The following SEC16A variants were observed in gnomAD, a reference collection of about 807,000 sequenced individuals.
SEC16A encodes protein transport protein Sec16A.
SEC16A carries 110 observed loss-of-function variants against 221.9 expected under a neutral mutation model. The ratio of observed to expected loss-of-function variants is 0.50; its 90% CI spans 0.42 to 0.58. The LOEUF (loss-of-function observed/expected upper bound fraction) is 0.58, where lower values mean the gene tolerates loss of function less well. SEC16A is among the 20% of genes least tolerant of loss of function. SEC16A has a pLI of 0.00. For missense variants in SEC16A, 3,165 were observed against 3,097.8 expected (o/e 1.02, Z -0.52); for synonymous variants, 1,393 against 1,257.7 (o/e 1.11, Z -2.28).
In SEC16A at chr9:136,447,851, A is replaced by G; in HGVS notation, c.6447+2T>C. ...CCAACAGGAACTAGAATGACAATTT[A>G]CCTCCTCTTCTGGCTCATTTAAATT... On this transcript the variant is annotated splice_donor_variant, in intron 25 of 31. Transcript: ENST00000684901. LOFTEE classifies it high-confidence loss of function. This position sits in a 1 kb window ranked among gnomAD's most constrained non-coding sequence, Gnocchi z 5.5. The G allele has an allele frequency of 1.9e-6, 3 of 1,608,502 alleles. No individual in the cohort carries two copies. The highest frequency in any genetic ancestry group is 2.5e-6 in the Non-Finnish European group (3 of 1,176,978).
chr9:136,483,170 C>T (rs2133234377), upstream of SEC16A: 2 of 292,704 alleles, frequency 6.8e-6, no homozygotes, highest in East Asian at 3.6e-4. Flanking sequence ...CACAGCCCAT[C>T]CCTCGGCCCC....
intron 4 of SEC16A, among the ~76,000 whole-genome samples, chr9:136,471,708 C>A (rs1318851853): frequency 1.3e-5 from 2 of 152,230 alleles, no homozygotes; most frequent in African/African-American, 4.8e-5. Context: ...TCTCTGCAGC[C>A]CTGAGCAGGG....
intron 1 of SEC16A, among the ~76,000 whole-genome samples, chr9:136,479,908 G>A (rs1842110698): frequency 6.6e-6 from 1 of 151,922 alleles, no homozygotes; most frequent in African/African-American, 2.4e-5. Flanking sequence ...AGGCTGAGGT[G>A]GGAAGATCGC....
intron 1 of SEC16A, among the ~76,000 whole-genome samples, chr9:136,479,642 G>A (rs997658439): frequency 4.6e-5 from 7 of 152,060 alleles, no homozygotes; most frequent in Admixed American, 1.3e-4. Flanking sequence ...GTGAGCCACC[G>A]TGCCTGGCCA....
chr9:136,468,575 C>A, intron 4 of SEC16A, 63 bp from the exon 5 acceptor site: 1 of 1,045,798 alleles, frequency 9.6e-7, no homozygotes, highest in Non-Finnish European at 1.5e-6. Context: ...TGACATCAGC[C>A]AATACAAATC....
rs779353565 is a variant in SEC16A, at chr9:136,477,148, T to C, written c.468A>G (p.Pro156=). The C allele has an allele frequency of 8.1e-6, 13 of 1,613,794 alleles. No individual in the cohort carries two copies. The highest frequency in any genetic ancestry group is 7.7e-5 in the South Asian group (7 of 91,080). ...CTCCTGGAATGTAGTGAGGAAGATA[T>C]GGCAGAGTCTGAACTTCAGGCTCTG... ...PSSEPEVQTL[P]YLPHYIPGVD... The change falls in exon 3 of 32, where the codon CCA becomes CCG. Residue 156 remains proline, a synonymous_variant. Coordinates refer to ENST00000684901, the MANE Select transcript of SEC16A (RefSeq NM_014866.2).
chr9:136,476,290 G>A lies in SEC16A; in HGVS notation c.1326C>T (p.Asp442=). Reference sequence around the variant, plus strand: ...CATCCGGCACCCCTGTGCTCGCTGTGTCACCCCACACATCACCAGCAGCCT... The same window carrying A: ...CATCCGGCACCCCTGTGCTCGCTGTATCACCCCACACATCACCAGCAGCCT... ...SNEAAGDVWG[D]TASTGVPDAS... Residue 442 remains aspartate (D), a synonymous_variant, in exon 3 of 32, where the codon GAC becomes GAT. Transcript: ENST00000684901. The A allele has an allele frequency of 6.2e-7, 1 of 1,613,120 alleles. No homozygotes were observed. Among genetic ancestry groups the A allele is most frequent in the South Asian group, 1.1e-5 (1 of 91,078 alleles).
chr9:136,483,133 G>A (rs1842631149), upstream of SEC16A: 3 of 507,572 alleles, frequency 5.9e-6, no homozygotes, highest in Non-Finnish European at 7.5e-6. Context: ...CGGCTCGTCG[G>A]CCCAGACGCG....
intron 1 of SEC16A, among the ~76,000 whole-genome samples, chr9:136,479,416 G>C (rs960201407): frequency 2.0e-5 from 3 of 151,824 alleles, no homozygotes; most frequent in African/African-American, 4.8e-5. Flanking sequence ...GCAGTGGTGC[G>C]ATCTCGGCTC....
Position 136,474,500 on chromosome 9 carries a change from C to G in SEC16A, c.3116G>C (p.Arg1039Pro). The G allele has an allele frequency of 6.2e-7, 1 of 1,613,098 alleles. No homozygotes were observed. The highest frequency in any genetic ancestry group is 8.5e-7 in the Non-Finnish European group (1 of 1,179,872). Residue 1039 changes from arginine to proline, a missense_variant, in exon 3 of 32, where the codon CGT becomes CCT. Coordinates refer to ENST00000684901, the MANE Select transcript of SEC16A (RefSeq NM_014866.2). ...QSGPGAPNLD[R>P]FYQQVTKDAQ... ...ATCTTTCGTGACCTGCTGATAAAAA[C>G]GGTCAAGGTTAGGCGCCCCAGGCCC... is the stretch of plus-strand genomic sequence containing the variant.
intron 27 of SEC16A, 21 bp from the exon 28 acceptor site, chr9:136,446,970 A>C (rs1217471377): frequency 3.7e-6 from 6 of 1,613,306 alleles, no homozygotes; most frequent in Non-Finnish European, 5.1e-6. Context: ...GAGAGCGAGG[A>C]GGCCATCATT....
At position 136,475,428 on chromosome 9, in the gene SEC16A, C is replaced by T. The variant is rs1357321234; in HGVS notation, c.2188G>A (p.Glu730Lys). The T allele has an allele frequency of 6.2e-7, 1 of 1,610,756 alleles. No homozygotes were observed. The highest frequency in any genetic ancestry group is 1.7e-5 in the Admixed American group (1 of 59,714). ...SPATTLWAQS[E>K]LPDFGGNVLL... ...ACGTTGCCTCCAAAATCTGGCAGCT[C>T]ACTTTGCGCCCACAGAGTCGTTGCT... is the stretch of plus-strand genomic sequence containing the variant. Residue 730 changes from glutamate to lysine, a missense_variant, in exon 3 of 32, where the codon GAG becomes AAG. By Grantham distance (56) the Glu-to-Lys change is moderately conservative (BLOSUM62 1). This residue lies in a region of SEC16A where 2,030 missense variants were observed against 1,923.1 expected (regional missense o/e 1.06). Transcript: ENST00000684901. The surrounding 1 kb of genome is among the most constrained non-coding windows in gnomAD (Gnocchi z 5.0).
intron 3 of SEC16A, among the ~76,000 whole-genome samples, chr9:136,473,208 G>A (rs1171458380): frequency 6.6e-6 from 1 of 152,248 alleles, no homozygotes. Flanking sequence ...AGGCCTTCCT[G>A]TGTGGCCCCA....
chr9:136,454,690 C>T lies in SEC16A; in HGVS notation c.5858-363G>A, dbSNP rs1382942384. On this transcript the variant is annotated intron_variant, in intron 20 of 31. Transcript: ENST00000684901. ...CACACAGGCCACTCGTTCATTCCTT[C>T]ATTCTTCCGACTCAACATAAAACCT... 3.3e-5 allele frequency among the ~76,000 whole-genome samples: 5 copies of T among 152,246 alleles called. No individual in the cohort carries two copies. The South Asian group carries it at 6.2e-4, about 19-fold the overall frequency.
chr9:136,459,135 T>G lies in SEC16A; in HGVS notation c.5408A>C (p.Gln1803Pro), dbSNP rs1467297561. 4.4e-6 allele frequency: 7 copies of G among 1,606,308 alleles called. No individual in the cohort carries two copies. The highest frequency in any genetic ancestry group is 2.2e-5 in the East Asian group (1 of 44,666). ...TGCAGGCTGGCAGCACCTGCTTACC[T>G]GGAAACTAGGCAGGGGGCAGGTCTC... is the stretch of plus-strand genomic sequence containing the variant. Reference protein sequence around the residue: ...GAETCPLPSFQVFKFIYSCRL... With the variant: ...GAETCPLPSFPVFKFIYSCRL... The change falls in exon 17 of 32, where the codon CAG (glutamine) becomes CCG (proline). Residue 1803 changes from glutamine (Q) to proline (P), a missense_variant and splice_region_variant. Physicochemically the swap from Gln to Pro is moderately conservative, Grantham distance 76 (BLOSUM62 -1). Transcript: ENST00000684901. The surrounding 1 kb of genome is among the most constrained non-coding windows in gnomAD (Gnocchi z 6.1).
In SEC16A at chr9:136,474,637, G is replaced by A. The variant is rs1012927494; in HGVS notation, c.2979C>T (p.Ala993=). 2 of 1,613,260 alleles carry A rather than the reference G, an allele frequency of 1.2e-6. No homozygotes were observed. Among genetic ancestry groups the A allele is most frequent in the African/African-American group, 2.7e-5 (2 of 74,920 alleles). Residue 993 remains alanine, a synonymous_variant, in exon 3 of 32, where the codon GCC becomes GCT. Coordinates refer to ENST00000684901, the MANE Select transcript of SEC16A (RefSeq NM_014866.2). ...HSSHQEDTYG[A]LDFTLSRTLE... is the part of the protein sequence containing the mutation. ...AAGTCCTGCTTAAGGTAAAGTCTAG[G>A]GCTCCGTAAGTGTCTTCCTGATGAC...
At chr9:136,445,321 C>A (rs1365861424) in intron 29 of SEC16A, among the ~76,000 whole-genome samples, 1 of 152,204 alleles carries the variant, frequency 6.6e-6, no homozygotes, top group Middle Eastern at 3.2e-3. Flanking sequence ...TAGGGGAGGG[C>A]TGGGAGGAAA....
At chr9:136,461,299 T>C (rs1839445553) in intron 12 of SEC16A, 25 bp from the exon 13 acceptor site, 3 of 1,550,944 alleles carry the variant, frequency 1.9e-6, no homozygotes, top group African/African-American at 2.7e-5. Context: ...TCAGGGACCT[T>C]GGTGGGTTAT....
chr9:136,466,528 C>T lies in SEC16A; in HGVS notation c.3930-66G>A, dbSNP rs763301956. ...CCGGAGGCCCCGTCCCCATGTGCCA[C>T]GCAGCTGCCCAGGAGCTGAGACCGA... On this transcript the variant is annotated intron_variant, in intron 6 of 31. Coordinates refer to ENST00000684901, the MANE Select transcript of SEC16A (RefSeq NM_014866.2). The surrounding 1 kb of genome is among the most constrained non-coding windows in gnomAD (Gnocchi z 5.5). 44 of 1,451,894 alleles carry T rather than the reference C, an allele frequency of 3.0e-5. No homozygotes were observed. The highest frequency in any genetic ancestry group is 4.1e-5 in the South Asian group (3 of 74,028). 89.9% of individuals were successfully genotyped at this position (1,451,894 alleles called of 1,614,324 possible).
Sources: gnomAD v4.1 joint callset for allele counts (sites outside exome capture counted in the v4.1 genomes callset) on GRCh38, gnomAD v4.1.1 for gene constraint, gnomAD v4.1.1 regional missense constraint, Gnocchi (gnomAD v3.1) non-coding constraint, MANE v1.5 for transcripts, NCBI Gene and HGNC (gene_info 2026-07-23, HGNC 2026-07-21) for gene names.